AGBL4: variants seen among roughly 807,000 people sequenced by gnomAD.
AGBL4 encodes the protein AGBL carboxypeptidase 4, also known as cytosolic carboxypeptidase 6.
A neutral mutation model predicts 66.4 loss-of-function variants in AGBL4; 58 were observed. That is an observed-to-expected ratio of 0.87 (90% CI 0.71 to 1.09). AGBL4 has a LOEUF of 1.09. Among genes scored for constraint, AGBL4 ranks in the 50% least tolerant of loss-of-function variants. AGBL4 has a pLI of 0.00. For missense variants in AGBL4, 579 were observed against 631.0 expected, an observed-to-expected ratio of 0.92 and a Z score of 0.88; for synonymous variants, 234 against 222.9, an observed-to-expected ratio of 1.05 and a Z score of -0.44.
At chr1:49,741,995 C>T (rs1056510850) in intron 2 of AGBL4, among the ~76,000 whole-genome samples, 23 of 152,264 alleles carry the variant, frequency 1.5e-4, no homozygotes, top group Admixed American at 7.2e-4. Context: ...TGGCACAAGA[C>T]AGGGATGCCC....
chr1:49,955,848 T>A (rs1656558787), intron 1 of AGBL4, among the ~76,000 whole-genome samples: 1 of 151,796 alleles, frequency 6.6e-6, no homozygotes, highest in South Asian at 2.1e-4. Context: ...TTTAGGAAGA[T>A]TTTATTACCT....
chr1:49,684,603 A>C (rs1321107751), intron 3 of AGBL4, among the ~76,000 whole-genome samples: 1 of 152,206 alleles, frequency 6.6e-6, no homozygotes, highest in East Asian at 1.9e-4. Context: ...ATAAAAGGTG[A>C]AATATAACTA....
chr1:49,694,440 C>T (rs1252040999), intron 3 of AGBL4, among the ~76,000 whole-genome samples: 1 of 152,020 alleles, frequency 6.6e-6, no homozygotes, highest in African/African-American at 2.4e-5. Context: ...GAGGCAATGG[C>T]CCACAGAAAG....
intron 6 of AGBL4, among the ~76,000 whole-genome samples, chr1:48,717,843 G>A (rs923142139): frequency 2.0e-5 from 3 of 152,124 alleles, no homozygotes; most frequent in Non-Finnish European, 2.9e-5. Flanking sequence ...GTGACACTGG[G>A]CAAATAATCT....
At chr1:48,720,300 C>A (rs927089493) in intron 6 of AGBL4, among the ~76,000 whole-genome samples, 1 of 152,142 alleles carries the variant, frequency 6.6e-6, no homozygotes, top group African/African-American at 2.4e-5. Context: ...CCAACCCAGG[C>A]TGGAGATGGA....
intron 6 of AGBL4, among the ~76,000 whole-genome samples, chr1:48,717,572 T>C (rs1647073405): frequency 6.6e-6 from 1 of 152,238 alleles, no homozygotes; most frequent in Admixed American, 6.5e-5. Context: ...TTGGTGGGCA[T>C]TGGCTTCCAC....
chr1:48,647,520 A>G, intron 8 of AGBL4: 1 of 366,724 alleles, frequency 2.7e-6, no homozygotes. Context: ...TTATGCCCAG[A>G]AACATAAATA....
At chr1:49,643,385 A>C (rs756835301) in intron 3 of AGBL4, among the ~76,000 whole-genome samples, 4 of 151,798 alleles carry the variant, frequency 2.6e-5, no homozygotes, top group Non-Finnish European at 5.9e-5. Flanking sequence ...AATAGAGTTC[A>C]CAAAGGAAAT....
intron 4 of AGBL4, among the ~76,000 whole-genome samples, chr1:49,155,851 C>G (rs1162111851): frequency 6.6e-6 from 1 of 152,104 alleles, no homozygotes; most frequent in East Asian, 1.9e-4. Context: ...GTTGGCCTGC[C>G]CAGTAAATGG....
chr1:49,358,449 C>A (rs963692437), intron 3 of AGBL4, among the ~76,000 whole-genome samples: 1 of 151,954 alleles, frequency 6.6e-6, no homozygotes, highest in African/African-American at 2.4e-5. Context: ...TGGTGAGTAA[C>A]TCCAACCTTC....
intron 3 of AGBL4, among the ~76,000 whole-genome samples, chr1:49,680,911 A>T (rs1159939413): frequency 2.0e-5 from 3 of 149,594 alleles, no homozygotes; most frequent in African/African-American, 7.4e-5. Context: ...TTTTTTTTTT[A>T]AACTATTGTC....
intron 1 of AGBL4, among the ~76,000 whole-genome samples, chr1:49,960,217 A>G (rs886990658): frequency 6.6e-6 from 1 of 152,102 alleles, no homozygotes; most frequent in African/African-American, 2.4e-5. Flanking sequence ...TATATACACA[A>G]TGAAGTACTA....
At chr1:48,531,681 G>T (rs1390449879), downstream of AGBL4, among the ~76,000 whole-genome samples, 9 of 152,150 alleles carry the variant, frequency 5.9e-5, no homozygotes, top group Admixed American at 5.9e-4. Flanking sequence ...GAACAAGTTT[G>T]CTTCTTTTGT....
intron 6 of AGBL4, among the ~76,000 whole-genome samples, chr1:48,758,741 G>T (rs1339729361): frequency 6.6e-6 from 1 of 152,188 alleles, no homozygotes; most frequent in African/African-American, 2.4e-5. Context: ...CACTATGAGT[G>T]GGGAGTGACT....
chr1:48,634,444 C>A, intron 9 of AGBL4, 49 bp downstream of exon 9: 1 of 1,460,586 alleles, frequency 6.8e-7, no homozygotes, highest in South Asian at 1.2e-5. Context: ...CTGCCCTTTC[C>A]CAGATCAAGC....
chr1:49,803,361 G>C (rs1051351639), intron 2 of AGBL4, among the ~76,000 whole-genome samples: 1 of 152,024 alleles, frequency 6.6e-6, no homozygotes, highest in Non-Finnish European at 1.5e-5. Context: ...TATGAATTTT[G>C]CTCTCTCTAC....
chr1:49,129,763 A>G (rs550668207), intron 4 of AGBL4, among the ~76,000 whole-genome samples: 6 of 152,132 alleles, frequency 3.9e-5, no homozygotes, highest in South Asian at 2.1e-4. Flanking sequence ...GAATAGTGCC[A>G]CAATAAACAT....
chr1:49,968,104 T>C (rs571976415), intron 1 of AGBL4, among the ~76,000 whole-genome samples: 7 of 151,852 alleles, frequency 4.6e-5, no homozygotes, highest in Non-Finnish European at 1.0e-4. Context: ...GCACCTGTAA[T>C]CTCAGCTACT....
intron 3 of AGBL4, among the ~76,000 whole-genome samples, chr1:49,573,733 G>T (rs1199851755): frequency 1.3e-5 from 2 of 152,130 alleles, no homozygotes; most frequent in African/African-American, 2.4e-5. Context: ...TGCAACAAAA[G>T]GTGCATGCAC....
Sources: allele counts gnomAD v4.1 joint callset (sites outside exome capture counted in the v4.1 genomes callset), GRCh38; gene constraint gnomAD v4.1.1; transcripts MANE v1.5; gene names NCBI Gene and HGNC (gene_info 2026-07-23, HGNC 2026-07-21).